The following FMNL2 variants were observed in gnomAD, a reference collection of about 807,000 sequenced individuals.
The protein encoded by FMNL2 is formin like 2.
A neutral mutation model predicts 130.2 loss-of-function variants in FMNL2; 51 were observed. The observed-to-expected ratio is 0.39, with a 90% CI of 0.31 to 0.49. FMNL2 has a LOEUF of 0.49. FMNL2 is among the 20% of genes least tolerant of loss of function. The pLI, the probability that FMNL2 is intolerant of heterozygous loss-of-function variation, is 0.85. For missense variants in FMNL2, 977 were observed against 1,316.2 expected, an observed-to-expected ratio of 0.74 and a Z score of 3.99; for synonymous variants, 465 against 467.1, an observed-to-expected ratio of 1.00 and a Z score of 0.06.
intron 21 of FMNL2, 31 bp downstream of exon 21, chr2:152,632,168 T>A (rs749763666): frequency 6.3e-7 from 1 of 1,599,306 alleles, no homozygotes; most frequent in Non-Finnish European, 8.5e-7. Context: ...CCGTTCGTCT[T>A]GGGTATTTAA....
At chr2:152,470,422 A>T (rs1689793691) in intron 1 of FMNL2, among the ~76,000 whole-genome samples, 1 of 152,218 alleles carries the variant, frequency 6.6e-6, no homozygotes, top group South Asian at 2.1e-4. Context: ...TATTTGGAAG[A>T]TTGCTGTCTA....
intron 1 of FMNL2, among the ~76,000 whole-genome samples, chr2:152,401,840 A>G (rs1685708799): frequency 6.6e-6 from 1 of 151,232 alleles, no homozygotes; most frequent in Non-Finnish European, 1.5e-5. Context: ...GACCAAAAAG[A>G]GAGAGGCAGA....
intron 1 of FMNL2, among the ~76,000 whole-genome samples, chr2:152,399,148 G>C (rs1685549639): frequency 1.3e-5 from 2 of 152,250 alleles, no homozygotes; most frequent in African/African-American, 4.8e-5. Context: ...TGGGATCCCA[G>C]ACCTGAGGTC....
chr2:152,611,097 T>C (rs765980419), intron 10 of FMNL2, among the ~76,000 whole-genome samples: 4 of 152,206 alleles, frequency 2.6e-5, no homozygotes, highest in Non-Finnish European at 5.9e-5. Context: ...TCCCAGCACT[T>C]TGGGAGGCCC....
At chr2:152,556,216 T>C (rs1695194720) in intron 4 of FMNL2, among the ~76,000 whole-genome samples, 1 of 152,202 alleles carries the variant, frequency 6.6e-6, no homozygotes, top group African/African-American at 2.4e-5. Context: ...TAAGCTAACC[T>C]GATACCATTT....
intron 1 of FMNL2, among the ~76,000 whole-genome samples, chr2:152,474,041 A>T (rs913562550): frequency 3.9e-5 from 6 of 151,912 alleles, no homozygotes; most frequent in African/African-American, 1.5e-4. Flanking sequence ...CACCCAGCTA[A>T]TTTTTTTGTA....
At chr2:152,604,907 T>C (rs943435732) in intron 9 of FMNL2, among the ~76,000 whole-genome samples, 11 of 141,576 alleles carry the variant, frequency 7.8e-5, no homozygotes, top group African/African-American at 2.5e-4. Flanking sequence ...GTATTGGGGT[T>C]TCTGCTAAAG....
chr2:152,517,276 C>T (rs1692826181), intron 1 of FMNL2, among the ~76,000 whole-genome samples: 1 of 152,058 alleles, frequency 6.6e-6, no homozygotes, highest in Admixed American at 6.6e-5. Context: ...TTGTTAATAG[C>T]TATAATATAA....
At chr2:152,458,565 C>T (rs1178790399) in intron 1 of FMNL2, among the ~76,000 whole-genome samples, 1 of 152,206 alleles carries the variant, frequency 6.6e-6, no homozygotes, top group Non-Finnish European at 1.5e-5. Flanking sequence ...TTACCTAGTA[C>T]TGTTATTTAA....
intron 15 of FMNL2, among the ~76,000 whole-genome samples, chr2:152,624,853 G>A (rs1019092137): frequency 6.6e-6 from 1 of 152,078 alleles, no homozygotes; most frequent in Non-Finnish European, 1.5e-5. Flanking sequence ...TCTCATTTAG[G>A]CCATTCATAT....
At chr2:152,433,010 G>A (rs550131265) in intron 1 of FMNL2, among the ~76,000 whole-genome samples, 1 of 152,340 alleles carries the variant, frequency 6.6e-6, no homozygotes, top group Admixed American at 6.5e-5. Flanking sequence ...CTCTATACTA[G>A]CAGCGCTTAC....
intron 1 of FMNL2, among the ~76,000 whole-genome samples, chr2:152,353,899 G>A (rs1682645128): frequency 1.8e-4 from 1 of 5,518 alleles, no homozygotes; most frequent in African/African-American, 1.9e-4. Context: ...AACAAGTGAA[G>A]CAGGGCCCCC....
intron 9 of FMNL2, among the ~76,000 whole-genome samples, chr2:152,600,077 G>A (rs1697970710): frequency 6.6e-6 from 1 of 152,182 alleles, no homozygotes; most frequent in African/African-American, 2.4e-5. Context: ...CTCAGTAGAT[G>A]GTAAAAGATG....
intron 9 of FMNL2, among the ~76,000 whole-genome samples, chr2:152,590,313 G>A (rs1369251723): frequency 1.3e-5 from 2 of 151,938 alleles, no homozygotes; most frequent in East Asian, 3.9e-4. Flanking sequence ...CCTACACACA[G>A]GGTTATATTA....
At chr2:152,500,912 A>G (rs936114166) in intron 1 of FMNL2, among the ~76,000 whole-genome samples, 25 of 152,254 alleles carry the variant, frequency 1.6e-4, no homozygotes, top group Non-Finnish European at 3.4e-4. Context: ...ATCTGCCTGG[A>G]TTTGACACAA....
chr2:152,621,142 C>T, intron 15 of FMNL2: 1 of 985,368 alleles, frequency 1.0e-6, no homozygotes, highest in Non-Finnish European at 1.2e-6. Context: ...CCTGGCCACC[C>T]TGATTAGGCA....
intron 1 of FMNL2, among the ~76,000 whole-genome samples, chr2:152,414,542 G>C (rs1036209625): frequency 1.3e-5 from 2 of 152,174 alleles, no homozygotes; most frequent in African/African-American, 4.8e-5. Context: ...GAGGCTGAAA[G>C]CTCTTTCATA....
chr2:152,604,463 G>A (rs1453148354), intron 9 of FMNL2, among the ~76,000 whole-genome samples: 2 of 150,918 alleles, frequency 1.3e-5, no homozygotes, highest in African/African-American at 4.8e-5. Context: ...TTAGTTTAGC[G>A]TGTGCCTAGC....
intron 1 of FMNL2, among the ~76,000 whole-genome samples, chr2:152,510,368 T>C (rs1692430616): frequency 6.6e-6 from 1 of 152,142 alleles, no homozygotes; most frequent in Admixed American, 6.5e-5. Flanking sequence ...TCCAGGGACT[T>C]GGAGTTTTGT....
Sources: gnomAD v4.1 joint callset for allele counts (sites outside exome capture counted in the v4.1 genomes callset) on GRCh38, gnomAD v4.1.1 for gene constraint, MANE v1.5 for transcripts, NCBI Gene and HGNC (gene_info 2026-07-23, HGNC 2026-07-21) for gene names.